TUSC3: variants seen among roughly 807,000 people sequenced by gnomAD.
TUSC3 encodes tumor suppressor candidate 3.
Under a neutral mutation model 44.8 loss-of-function variants are expected in TUSC3, and 45 were observed. The ratio of observed to expected loss-of-function variants is 1.00; its 90% CI spans 0.79 to 1.29. TUSC3 has a LOEUF of 1.29. TUSC3 is among the 50% of genes most tolerant of loss of function. The pLI is 0.00. For synonymous variants in TUSC3, 212 were observed against 152.9 expected, an observed-to-expected ratio of 1.39 and a Z score of -2.85; for missense variants, 519 against 437.9, an observed-to-expected ratio of 1.19 and a Z score of -1.65.
the TUSC3 span, among the ~76,000 whole-genome samples, chr8:15,789,537 T>G: frequency 2.0e-5 from 3 of 152,192 alleles, no homozygotes; most frequent in Non-Finnish European, 4.4e-5. Context: ...CATGAAATCT[T>G]ATGAATTAAA....
chr8:15,463,633 G>C (rs1800376859), intron 1 of TUSC3, among the ~76,000 whole-genome samples: 2 of 152,048 alleles, frequency 1.3e-5, no homozygotes, highest in African/African-American at 4.8e-5. Flanking sequence ...AGATCATGAA[G>C]CCTTTTGATT....
intron 2 of TUSC3, among the ~76,000 whole-genome samples, chr8:15,491,181 C>T (rs1800804804): frequency 6.6e-6 from 1 of 151,882 alleles, no homozygotes; most frequent in South Asian, 2.1e-4. Context: ...GCCTTTGTCT[C>T]AGTAGAGTGA....
chr8:15,542,347 T>C (rs1030663368), intron 1 of TUSC3, among the ~76,000 whole-genome samples: 12 of 152,086 alleles, frequency 7.9e-5, no homozygotes, highest in African/African-American at 2.9e-4. Context: ...ATGTTTCTTA[T>C]CAGACCTAAG....
chr8:15,685,403 C>G (rs376343564), intron 6 of TUSC3, among the ~76,000 whole-genome samples: 73 of 152,144 alleles, frequency 4.8e-4, no homozygotes, highest in African/African-American at 1.7e-3. Context: ...CTCACAAAAT[C>G]TTTATTCAGA....
intron 1 of TUSC3, among the ~76,000 whole-genome samples, chr8:15,565,760 A>T (rs1802644670): frequency 6.6e-6 from 1 of 152,076 alleles, no homozygotes; most frequent in South Asian, 2.1e-4. Flanking sequence ...CCCTATAACT[A>T]GGTTGAGAAT....
the TUSC3 span, among the ~76,000 whole-genome samples, chr8:15,813,667 G>T: frequency 6.6e-6 from 1 of 152,106 alleles, no homozygotes; most frequent in African/African-American, 2.4e-5. Context: ...TATAATGTGG[G>T]GAAATGTAAT....
chr8:15,504,028 A>G (rs1801011337), intron 2 of TUSC3, among the ~76,000 whole-genome samples: 1 of 151,764 alleles, frequency 6.6e-6, no homozygotes, highest in Admixed American at 6.6e-5. Context: ...AAAAAAAAAA[A>G]AAAAATTCTG....
intron 2 of TUSC3, among the ~76,000 whole-genome samples, chr8:15,485,772 T>C (rs529125854): frequency 6.6e-6 from 1 of 151,566 alleles, no homozygotes; most frequent in South Asian, 2.1e-4. Flanking sequence ...TTGCTTTGAA[T>C]ATGAGTTTGA....
chr8:15,503,742 C>T (rs1801001517), intron 2 of TUSC3, among the ~76,000 whole-genome samples: 1 of 152,022 alleles, frequency 6.6e-6, no homozygotes, highest in Admixed American at 6.6e-5. Flanking sequence ...ATGGCTCATG[C>T]CTGTAATTCC....
chr8:15,526,261 C>T (rs1378225542), intron 2 of TUSC3, among the ~76,000 whole-genome samples: 1 of 152,124 alleles, frequency 6.6e-6, no homozygotes, highest in Non-Finnish European at 1.5e-5. Context: ...TCTCGATCTC[C>T]TGACCTCGTG....
the TUSC3 span, among the ~76,000 whole-genome samples, chr8:15,833,200 C>A: frequency 6.6e-6 from 1 of 152,018 alleles, no homozygotes; most frequent in African/African-American, 2.4e-5. Context: ...GCTAAAAAGT[C>A]AAAAAATAAC....
intron 2 of TUSC3, among the ~76,000 whole-genome samples, chr8:15,624,852 G>T (rs900483636): frequency 6.6e-6 from 1 of 151,930 alleles, no homozygotes; most frequent in Non-Finnish European, 1.5e-5. Context: ...TCAAATTAAA[G>T]AACTCTTTCC....
At chr8:15,816,371 C>A in the TUSC3 span, among the ~76,000 whole-genome samples, 1 of 152,104 alleles carries the variant, frequency 6.6e-6, no homozygotes, top group Non-Finnish European at 1.5e-5. Flanking sequence ...GCAATGTAGG[C>A]ATTTTCACTA....
At chr8:15,684,252 A>G (rs1421643732) in intron 6 of TUSC3, among the ~76,000 whole-genome samples, 2 of 152,054 alleles carry the variant, frequency 1.3e-5, no homozygotes, top group African/African-American at 4.8e-5. Flanking sequence ...TGCCTCCCAT[A>G]GAGCAGTCCA....
intron 3 of TUSC3, among the ~76,000 whole-genome samples, chr8:15,653,373 T>C (rs1330319503): frequency 2.6e-5 from 4 of 152,202 alleles, no homozygotes; most frequent in African/African-American, 9.7e-5. Context: ...AATTCATATT[T>C]TTTTTTAAAA....
chr8:15,470,344 C>A (rs777861116), intron 1 of TUSC3, among the ~76,000 whole-genome samples: 1 of 150,604 alleles, frequency 6.6e-6, no homozygotes, highest in Non-Finnish European at 1.5e-5. Context: ...TAGGGCAATA[C>A]AACTAACGTT....
At chr8:15,623,898 T>G (rs1459881981) in intron 2 of TUSC3, among the ~76,000 whole-genome samples, 1 of 152,154 alleles carries the variant, frequency 6.6e-6, no homozygotes, top group Non-Finnish European at 1.5e-5. Flanking sequence ...TACAGACAAA[T>G]GCGGAACAGC....
At chr8:15,419,110 C>G (rs563522196) in intron 1 of TUSC3, among the ~76,000 whole-genome samples, 73 of 152,324 alleles carry the variant, frequency 4.8e-4, no homozygotes, top group African/African-American at 1.7e-3. Context: ...CAAGTAACCC[C>G]TTTGACCTTG....
chr8:15,591,254 T>C (rs1803826523), intron 1 of TUSC3, among the ~76,000 whole-genome samples: 1 of 152,180 alleles, frequency 6.6e-6, no homozygotes, highest in South Asian at 2.1e-4. Flanking sequence ...AATAACTTTT[T>C]ATTAAAATAG....
Sources: allele counts gnomAD v4.1 joint callset (sites outside exome capture counted in the v4.1 genomes callset), GRCh38; gene constraint gnomAD v4.1.1; transcripts MANE v1.5; gene names NCBI Gene and HGNC (gene_info 2026-07-23, HGNC 2026-07-21).